The following MAPKAPK2 variants were observed in gnomAD, a reference collection of about 807,000 sequenced individuals.
The protein encoded by MAPKAPK2 is MAPK activated protein kinase 2.
In MAPKAPK2, 9 loss-of-function variants were observed where a neutral mutation model predicts 48.8. The ratio of observed to expected loss-of-function variants is 0.18; its 90% CI spans 0.11 to 0.32. The LOEUF is 0.32. MAPKAPK2 is among the 10% of genes least tolerant of loss of function. MAPKAPK2 has a pLI of 1.00. For missense variants in MAPKAPK2, 331 were observed against 498.3 expected (o/e 0.66, Z 3.20); for synonymous variants, 202 against 190.6 (o/e 1.06, Z -0.49).
chr1:206,724,400 G>C (rs1420073554), intron 1 of MAPKAPK2, among the ~76,000 whole-genome samples: 1 of 152,168 alleles, frequency 6.6e-6, no homozygotes, highest in Non-Finnish European at 1.5e-5. Context: ...CTTGTCCACA[G>C]AGCCACTTTG....
intron 4 of MAPKAPK2, 81 bp from the exon 5 acceptor site, chr1:206,729,891 G>A: frequency 1.6e-5 from 25 of 1,565,764 alleles, no homozygotes; most frequent in Non-Finnish European, 2.2e-5. Flanking sequence ...TAGAGGAAGG[G>A]AGGAACCAGG....
intron 1 of MAPKAPK2, among the ~76,000 whole-genome samples, chr1:206,700,924 A>G (rs1672774456): frequency 6.6e-6 from 1 of 152,194 alleles, no homozygotes; most frequent in Non-Finnish European, 1.5e-5. Context: ...GGATGGGATG[A>G]CAGCTGCTGG....
chr1:206,706,847 G>A (rs74147683), intron 1 of MAPKAPK2, among the ~76,000 whole-genome samples: 2,005 of 152,056 alleles, frequency 0.013, 36 homozygotes, highest in African/African-American at 0.046. Context: ...CAGCCCCTCG[G>A]GGCTAGAAGG....
rs927793653 is a variant in MAPKAPK2 at position 206,704,682 on chromosome 1, T to C, written c.279+19174T>C. 6.6e-6 allele frequency among the ~76,000 whole-genome samples: 1 copy of C among 152,154 alleles called. No individual in the cohort carries two copies. The highest frequency in any genetic ancestry group is 2.4e-5 in the African/African-American group (1 of 41,406). Reference sequence around the variant, plus strand: ...GTTCAGTCCCTTTTATGAAGTCTAATGGTCCTTCCAGAAGCTTCATCATCA... The same window carrying C: ...GTTCAGTCCCTTTTATGAAGTCTAACGGTCCTTCCAGAAGCTTCATCATCA... On this transcript the variant is annotated intron_variant, in intron 1 of 9. Coordinates refer to ENST00000367103, the MANE Select transcript of MAPKAPK2 (RefSeq NM_032960.4). The surrounding 1 kb of genome is among the most constrained non-coding windows in gnomAD (Gnocchi z 4.3).
chr1:206,709,430 T>C (rs562868215), intron 1 of MAPKAPK2, among the ~76,000 whole-genome samples: 1 of 152,234 alleles, frequency 6.6e-6, no homozygotes, highest in East Asian at 1.9e-4. Context: ...ATGGGAGAAA[T>C]ATAGAGTGTG....
chr1:206,727,572 C>T (rs1419463325), intron 1 of MAPKAPK2, among the ~76,000 whole-genome samples: 4 of 152,080 alleles, frequency 2.6e-5, no homozygotes, highest in Non-Finnish European at 5.9e-5. Flanking sequence ...GTGCCATATG[C>T]AGGAGAGATG....
chr1:206,691,617 A>C (rs1384725217), intron 1 of MAPKAPK2, among the ~76,000 whole-genome samples: 1 of 151,886 alleles, frequency 6.6e-6, no homozygotes, highest in African/African-American at 2.4e-5. Flanking sequence ...CAGTGTTTGT[A>C]TGCTGCTAAC....
At chr1:206,730,863 T>C in intron 6 of MAPKAPK2, 100 bp downstream of exon 6, 1 of 1,282,016 alleles carries the variant, frequency 7.8e-7, no homozygotes, top group Non-Finnish European at 1.1e-6. Context: ...TTCCCCTTTG[T>C]ACAGGGGAGT....
rs782524256 is a variant in MAPKAPK2 at position 206,729,388 on chromosome 1, C to T, written c.485-8C>T. ...TCTTTCCCACTCACTCTTCCCTCCCCTCTACAGAAGCATCCGAAATCATGA... is the reference window on the plus strand; with the variant it reads ...TCTTTCCCACTCACTCTTCCCTCCCTTCTACAGAAGCATCCGAAATCATGA... On this transcript the variant is annotated splice_polypyrimidine_tract_variant and splice_region_variant and intron_variant, in intron 3 of 9. Coordinates refer to ENST00000367103, the MANE Select transcript of MAPKAPK2 (RefSeq NM_032960.4). The T allele has an allele frequency of 2.5e-6, 4 of 1,611,200 alleles. No homozygotes were observed. The highest frequency in any genetic ancestry group is 2.2e-5 in the South Asian group (2 of 91,020).
At chr1:206,722,544 A>G (rs1358489032) in intron 1 of MAPKAPK2, among the ~76,000 whole-genome samples, 6 of 152,224 alleles carry the variant, frequency 3.9e-5, no homozygotes, top group Non-Finnish European at 8.8e-5. Context: ...GCTAAAGAAA[A>G]TAAGCATCGT....
chr1:206,724,639 T>C (rs1007243431), intron 1 of MAPKAPK2, among the ~76,000 whole-genome samples: 2 of 151,892 alleles, frequency 1.3e-5, no homozygotes, highest in Admixed American at 6.6e-5. Flanking sequence ...AAATTCTTGC[T>C]AAGTTTCTCT....
rs553196225 is a variant in MAPKAPK2, at chr1:206,726,730, A to G, written c.280-1980A>G. 9.8e-5 allele frequency among the ~76,000 whole-genome samples: 15 copies of G among 152,354 alleles called. No homozygotes were observed. The South Asian group carries it at 2.9e-3, about 29-fold the overall frequency. ...TTTTCTCAGAAACTTAGCCTTGGGC[A>G]TGCTACTTCTCTGAGCCTCAGCTTC... On this transcript the variant is annotated intron_variant, in intron 1 of 9. Transcript: ENST00000367103.
chr1:206,729,466 G>C lies in MAPKAPK2; in HGVS notation c.555G>C (p.Arg185=). Residue 185 remains arginine (R), a synonymous_variant, in exon 4 of 10, where the codon CGG becomes CGC. Transcript: ENST00000367103. ...QYLHSINIAH[R]DVKPENLLYT... ...TGCATTCAATCAACATTGCCCATCG[G>C]GATGTCAAGGTGCCAGCTGTTCATA... The C allele has an allele frequency of 2.5e-6, 4 of 1,613,990 alleles. No homozygotes were observed. The highest frequency in any genetic ancestry group is 3.4e-6 in the Non-Finnish European group (4 of 1,179,854).
rs368050217 is a variant in MAPKAPK2, at chr1:206,730,023, A to G, written c.616A>G (p.Thr206Ala). 56 of 1,614,052 alleles carry G rather than the reference A, an allele frequency of 3.5e-5. 1 individual carries two copies. Among genetic ancestry groups the G allele is most frequent in the East Asian group, 1.8e-4 (8 of 44,896 alleles). Residue 206 changes from threonine to alanine, a missense_variant, in exon 5 of 10, where the codon ACT becomes GCT. By Grantham distance (58) the Thr-to-Ala change is moderately conservative. This residue lies in a region of MAPKAPK2 where 111 missense variants were observed against 193.6 expected (regional missense o/e 0.57). Coordinates refer to ENST00000367103, the MANE Select transcript of MAPKAPK2 (RefSeq NM_032960.4). ...SKRPNAILKL[T>A]DFGFAKETTS... is the part of the protein sequence containing the mutation. ...AAGGCCCAACGCCATCCTGAAACTC[A>G]CTGACTTTGGCTTTGCCAAGGAAAC...
chr1:206,700,638 A>G (rs1379941832), intron 1 of MAPKAPK2, among the ~76,000 whole-genome samples: 3 of 152,206 alleles, frequency 2.0e-5, no homozygotes, highest in Non-Finnish European at 4.4e-5. Context: ...GCAAGAAGCC[A>G]GTTGTGTTTG....
chr1:206,702,273 A>G (rs558254891), intron 1 of MAPKAPK2, among the ~76,000 whole-genome samples: 17 of 152,348 alleles, frequency 1.1e-4, no homozygotes, highest in Non-Finnish European at 2.2e-4. Context: ...CAGAACCGTC[A>G]TCTTCATCCT....
chr1:206,685,721 G>A (rs1572471244), intron 1 of MAPKAPK2, among the ~76,000 whole-genome samples: 1 of 150,858 alleles, frequency 6.6e-6, no homozygotes, highest in East Asian at 2.0e-4. Flanking sequence ...CCGCTCCCGG[G>A]CGGGAGCCCT....
At chr1:206,695,590 C>A (rs2102379429) in intron 1 of MAPKAPK2, among the ~76,000 whole-genome samples, 1 of 151,952 alleles carries the variant, frequency 6.6e-6, no homozygotes, top group Middle Eastern at 3.4e-3. Context: ...CTGTACCATG[C>A]CTGTCCCCCG....
chr1:206,714,165 A>G (rs1394419514), intron 1 of MAPKAPK2, among the ~76,000 whole-genome samples: 1 of 152,194 alleles, frequency 6.6e-6, no homozygotes. Flanking sequence ...ATTACTGGCC[A>G]TTTATAACAA....
Sources: gnomAD v4.1 joint callset for allele counts (sites outside exome capture counted in the v4.1 genomes callset) on GRCh38, gnomAD v4.1.1 for gene constraint, gnomAD v4.1.1 regional missense constraint, Gnocchi (gnomAD v3.1) non-coding constraint, MANE v1.5 for transcripts, NCBI Gene and HGNC (gene_info 2026-07-23, HGNC 2026-07-21) for gene names.